The following NR3C2 variants were observed in gnomAD, a reference collection of about 807,000 sequenced individuals.
The protein encoded by NR3C2 is nuclear receptor subfamily 3 group C member 2, also known as mineralocorticoid receptor.
A neutral mutation model predicts 86.4 loss-of-function variants in NR3C2; 15 were observed. The ratio of observed to expected loss-of-function variants is 0.17; its 90% CI spans 0.12 to 0.27. NR3C2 has a LOEUF of 0.27. Among genes scored for constraint, NR3C2 ranks in the 10% least tolerant of loss-of-function variants. The probability of loss-of-function intolerance (pLI) is 1.00; values close to 1 mark genes in which losing one functional copy is unlikely to be tolerated. For synonymous variants in NR3C2, 458 were observed against 450.5 expected (o/e 1.02, Z -0.21); for missense variants, 960 against 1,195.6 (o/e 0.80, Z 2.91).
intron 8 of NR3C2, 110 bp downstream of exon 8, chr4:148,113,994 A>G (rs1410471731): frequency 1.2e-5 from 15 of 1,288,870 alleles, no homozygotes; most frequent in Non-Finnish European, 1.7e-5. Context: ...TGGAGTCAAC[A>G]GAGGTCTAGC....
chr4:148,315,184 TCA>T (rs1359627176), intron 2 of NR3C2, among the ~76,000 whole-genome samples: 2 of 152,202 alleles, frequency 1.3e-5, no homozygotes, highest in African/African-American at 4.8e-5. Context: ...CGCCAGTTAC[TCA>T]CAAAGTCCAG....
At chr4:148,123,104 G>T (rs1419957524) in intron 6 of NR3C2, among the ~76,000 whole-genome samples, 1 of 152,124 alleles carries the variant, frequency 6.6e-6, no homozygotes, top group Non-Finnish European at 1.5e-5. Context: ...ATGCATTCCT[G>T]GGGGGAGGTC....
intron 2 of NR3C2, among the ~76,000 whole-genome samples, chr4:148,415,921 T>C (rs1748970375): frequency 6.6e-6 from 1 of 152,174 alleles, no homozygotes; most frequent in African/African-American, 2.4e-5. Context: ...CAAACACCAC[T>C]GATTTCGAGG....
chr4:148,413,756 A>G (rs1293607069), intron 2 of NR3C2, among the ~76,000 whole-genome samples: 1 of 152,156 alleles, frequency 6.6e-6, no homozygotes, highest in Non-Finnish European at 1.5e-5. Context: ...GGAGATTCAC[A>G]TTTAAATTAC....
intron 2 of NR3C2, among the ~76,000 whole-genome samples, chr4:148,345,050 T>C (rs1335589968): frequency 2.0e-5 from 3 of 152,164 alleles, no homozygotes; most frequent in African/African-American, 7.2e-5. Flanking sequence ...CCAAAACTTT[T>C]AAACATTCAA....
rs572093950 is a variant in NR3C2 at position 148,266,032 on chromosome 4, G to A, written c.1758-5915C>T. Among the ~76,000 whole-genome samples, 20 of 151,292 alleles carry A rather than the reference G, an allele frequency of 1.3e-4. No individual in the cohort carries two copies. In the South Asian group the frequency reaches 4.2e-3, roughly 32 times the overall value. ...GACACTGAGATTGGACGGGGAGGGT[G>A]GGGGAGACAGGATCCATTAAATAAA... On this transcript the variant is annotated intron_variant, in intron 2 of 8. Transcript: ENST00000358102.
chr4:148,419,560 A>G (rs1749176026), intron 2 of NR3C2, among the ~76,000 whole-genome samples: 1 of 152,232 alleles, frequency 6.6e-6, no homozygotes, highest in Non-Finnish European at 1.5e-5. Flanking sequence ...AATGAGCTGG[A>G]TAGTCTAGAG....
chr4:148,437,166 T>G (rs1306991450), intron 1 of NR3C2, among the ~76,000 whole-genome samples: 2 of 152,204 alleles, frequency 1.3e-5, no homozygotes, highest in Non-Finnish European at 2.9e-5. Flanking sequence ...TGTTAACTTA[T>G]TAGATATTCA....
Position 148,081,514 on chromosome 4 carries a change from C to G in NR3C2, c.2800-15G>C. 2 of 1,613,920 alleles carry G rather than the reference C, an allele frequency of 1.2e-6. No homozygotes were observed. Among genetic ancestry groups the G allele is most frequent in the Non-Finnish European group, 1.7e-6 (2 of 1,179,870 alleles). The stretch of plus-strand genomic sequence containing the variant: ...TCGCTCACCAGCTGTAACACAGACA[C>G]AGGGGGCATGACACGGGGGCCTCCT... On this transcript the variant is annotated splice_polypyrimidine_tract_variant and intron_variant, in intron 8 of 8. Coordinates refer to ENST00000358102, the MANE Select transcript of NR3C2 (RefSeq NM_000901.5).
chr4:148,136,071 A>AAAAAAC (rs1288431563), intron 6 of NR3C2, among the ~76,000 whole-genome samples: 4 of 44,554 alleles, frequency 9.0e-5, no homozygotes, highest in African/African-American at 2.1e-4. Context: ...AAAAAAAAAA[A>AAAAAAC]AAAAACAAAA....
chr4:148,121,828 G>A (rs1732516809), intron 6 of NR3C2, among the ~76,000 whole-genome samples: 1 of 151,982 alleles, frequency 6.6e-6, no homozygotes, highest in African/African-American at 2.4e-5. Context: ...TAACTGCTTC[G>A]AGCTTCATTT....
chr4:148,288,001 T>C (rs1741613056), intron 2 of NR3C2, among the ~76,000 whole-genome samples: 1 of 152,152 alleles, frequency 6.6e-6, no homozygotes, highest in Non-Finnish European at 1.5e-5. Context: ...ATAAAGAGAC[T>C]GAAGAACAGA....
chr4:148,349,716 A>G (rs1251060565), intron 2 of NR3C2, among the ~76,000 whole-genome samples: 1 of 152,122 alleles, frequency 6.6e-6, no homozygotes, highest in Admixed American at 6.6e-5. Context: ...GTTGATGTTA[A>G]TGTATGACAA....
chr4:148,139,014 C>G (rs573452386), intron 6 of NR3C2, among the ~76,000 whole-genome samples: 1 of 152,338 alleles, frequency 6.6e-6, no homozygotes, highest in East Asian at 1.9e-4. Flanking sequence ...CAGATGTGGG[C>G]CCCTTGATCT....
At chr4:148,390,527 T>G (rs1264188252) in intron 2 of NR3C2, among the ~76,000 whole-genome samples, 2 of 152,046 alleles carry the variant, frequency 1.3e-5, no homozygotes, top group Non-Finnish European at 2.9e-5. Flanking sequence ...GAGGGCAAGG[T>G]AGGGCTGCCT....
intron 2 of NR3C2, among the ~76,000 whole-genome samples, chr4:148,340,944 G>A (rs1744719074): frequency 6.6e-6 from 1 of 151,906 alleles, no homozygotes; most frequent in Non-Finnish European, 1.5e-5. Flanking sequence ...AGTTAAAATG[G>A]CTTTTATCAA....
intron 2 of NR3C2, among the ~76,000 whole-genome samples, chr4:148,277,608 A>T (rs1741022588): frequency 6.6e-6 from 1 of 152,198 alleles, no homozygotes; most frequent in African/African-American, 2.4e-5. Flanking sequence ...ATCTCTATTA[A>T]AACAAATTTT....
At chr4:148,089,783 CCAT>C (rs1251471528) in intron 8 of NR3C2, among the ~76,000 whole-genome samples, 6 of 152,254 alleles carry the variant, frequency 3.9e-5, no homozygotes, top group African/African-American at 1.4e-4. Context: ...AGATGTGCCA[CCAT>C]GAGTCAGCAG....
chr4:148,104,584 C>T (rs1000338563), intron 8 of NR3C2, among the ~76,000 whole-genome samples: 2 of 152,188 alleles, frequency 1.3e-5, no homozygotes, highest in African/African-American at 2.4e-5. Flanking sequence ...ATGTCTCTTA[C>T]ATACACATTC....
Sources: gnomAD v4.1 joint callset for allele counts (sites outside exome capture counted in the v4.1 genomes callset) on GRCh38, gnomAD v4.1.1 for gene constraint, MANE v1.5 for transcripts, NCBI Gene and HGNC (gene_info 2026-07-23, HGNC 2026-07-21) for gene names.